DESI1: variants seen among roughly 807,000 people sequenced by gnomAD.
DESI1 encodes the protein PPPDE peptidase domain containing 2.
A neutral mutation model predicts 22.4 loss-of-function variants in DESI1; 17 were observed. The ratio of observed to expected loss-of-function variants is 0.76; its 90% CI spans 0.52 to 1.14. The LOEUF (loss-of-function observed/expected upper bound fraction) is 1.14. Among genes scored for constraint, DESI1 ranks in the 50% most tolerant of loss-of-function variants. The pLI, the probability that DESI1 is intolerant of heterozygous loss-of-function variation, is 0.00. For synonymous variants in DESI1, 92 were observed against 84.2 expected, an observed-to-expected ratio of 1.09 and a Z score of -0.51; for missense variants, 177 against 208.9, an observed-to-expected ratio of 0.85 and a Z score of 0.94.
At chr22:41,601,390 C>T (rs1232082867) in intron 5 of DESI1, among the ~76,000 whole-genome samples, 200 bp from the exon 6 acceptor site, 1 of 152,236 alleles carries the variant, frequency 6.6e-6, no homozygotes, top group Non-Finnish European at 1.5e-5. Context: ...GAGGGCATCT[C>T]CGAAATAGCC....
chr22:41,605,237 G>T (rs560364564), intron 3 of DESI1, among the ~76,000 whole-genome samples: 1 of 152,238 alleles, frequency 6.6e-6, no homozygotes, highest in South Asian at 2.1e-4. Context: ...GTTCTTTTTG[G>T]ATCTGTGAGC....
intron 1 of DESI1, among the ~76,000 whole-genome samples, chr22:41,617,577 C>T (rs1238634723): frequency 6.6e-6 from 1 of 152,212 alleles, no homozygotes; most frequent in Non-Finnish European, 1.5e-5. Flanking sequence ...ATCAGTAAGA[C>T]CATGCCTATT....
chr22:41,611,462 G>A (rs2067516492), intron 1 of DESI1, among the ~76,000 whole-genome samples: 1 of 152,068 alleles, frequency 6.6e-6, no homozygotes, highest in Non-Finnish European at 1.5e-5. Context: ...GAGCTGATGT[G>A]CCCTTCTGAA....
chr22:41,606,873 T>A (rs866194696), intron 3 of DESI1, among the ~76,000 whole-genome samples: 1 of 151,180 alleles, frequency 6.6e-6, no homozygotes, highest in African/African-American at 2.4e-5. Context: ...CCTTATTGGC[T>A]GTTTAAGTTT....
At chr22:41,605,297 G>A (rs867962397) in intron 3 of DESI1, among the ~76,000 whole-genome samples, 1 of 152,122 alleles carries the variant, frequency 6.6e-6, no homozygotes, top group African/African-American at 2.4e-5. Context: ...AATGGCTCCC[G>A]AAAGGCCTAC....
chr22:41,603,126 T>C (rs910795923), intron 5 of DESI1, 133 bp downstream of exon 5: 96 of 1,320,010 alleles, frequency 7.3e-5, no homozygotes, highest in Non-Finnish European at 9.4e-5. Flanking sequence ...GGCAGCCTTC[T>C]GTGTTAGAAT....
chr22:41,615,748 C>T (rs550745506), intron 1 of DESI1, among the ~76,000 whole-genome samples: 59 of 152,342 alleles, frequency 3.9e-4, no homozygotes, highest in African/African-American at 1.3e-3. Flanking sequence ...TCCTTGCCCT[C>T]CAGGAGCTCC....
intron 1 of DESI1, among the ~76,000 whole-genome samples, chr22:41,614,635 A>G (rs2067538943): frequency 7.9e-6 from 1 of 126,488 alleles, no homozygotes; most frequent in Non-Finnish European, 1.6e-5. Context: ...CCCAGGCTGA[A>G]GTGCAGTGGC....
chr22:41,602,275 C>T (rs1210754156), intron 5 of DESI1: 8 of 985,226 alleles, frequency 8.1e-6, no homozygotes, highest in Non-Finnish European at 9.6e-6. Context: ...CCAGGAACTC[C>T]ACCCATAAAA....
rs375150048 is a variant in DESI1, at chr22:41,601,123, C to T, written c.481G>A (p.Val161Met). 4.1e-5 allele frequency: 66 copies of T among 1,613,316 alleles called. No homozygotes were observed. The highest frequency in any genetic ancestry group is 5.0e-5 in the Non-Finnish European group (59 of 1,179,834). ...TAGCTCTGGCCGTTGGGTCTGCCCA[C>T]GGAGCTCCCTCCTGGAGGCTGGATC... is the stretch of plus-strand genomic sequence containing the variant. Reference protein sequence around the residue: ...IQIQPPGGSSVGRPNGQS With the variant: ...IQIQPPGGSSMGRPNGQS The change falls in exon 6 of 6, where the codon GTG becomes ATG. Residue 161 changes from valine to methionine, a missense_variant. Physicochemically the swap from Val to Met is conservative, Grantham distance 21. Transcript: ENST00000263256.
intron 1 of DESI1, among the ~76,000 whole-genome samples, chr22:41,613,742 C>T (rs2067532302): frequency 1.3e-5 from 2 of 152,240 alleles, no homozygotes; most frequent in Non-Finnish European, 1.5e-5. Context: ...GATGCGCATG[C>T]TCACTGACTC....
chr22:41,607,539 C>G (rs6002418), intron 2 of DESI1, among the ~76,000 whole-genome samples: 11,723 of 152,176 alleles, frequency 0.077, 1,485 homozygotes, highest in African/African-American at 0.27. Flanking sequence ...AGGCTGGATA[C>G]TTCTTTGTTG....
chr22:41,614,170 G>A (rs2067535516), intron 1 of DESI1, among the ~76,000 whole-genome samples: 1 of 151,890 alleles, frequency 6.6e-6, no homozygotes, highest in Non-Finnish European at 1.5e-5. Context: ...CCGAGTAGCT[G>A]GGATTACAGG....
chr22:41,602,037 G>T, intron 5 of DESI1: 1 of 238,764 alleles, frequency 4.2e-6, no homozygotes, highest in Non-Finnish European at 6.8e-6. Context: ...AGGGCTCCTA[G>T]GTTGCTCTCA....
chr22:41,620,607 C>T lies in DESI1; in HGVS notation c.88+145G>A, dbSNP rs36218280. 30 of 763,124 alleles carry T rather than the reference C, an allele frequency of 3.9e-5. No homozygotes were observed. The African/African-American group carries it at 5.0e-4, about 13-fold the overall frequency. 47.3% of individuals were successfully genotyped at this position (763,124 alleles called of 1,614,324 possible). A position where few individuals can be genotyped will look rare whatever the true frequency, so the allele number is the denominator to read the frequency against. On this transcript the variant is annotated intron_variant, in intron 1 of 5. Transcript: ENST00000263256. Reference sequence around the variant, plus strand: ...GGCTCAGATGGCCCAAACTTCAGACCACTCTCTTCTCCACTCGGCTTTTCT... The same window carrying T: ...GGCTCAGATGGCCCAAACTTCAGACTACTCTCTTCTCCACTCGGCTTTTCT...
At chr22:41,610,757 C>CTGTA (rs2067512179) in intron 1 of DESI1, among the ~76,000 whole-genome samples, 3 of 151,890 alleles carry the variant, frequency 2.0e-5, no homozygotes, top group African/African-American at 7.3e-5. Flanking sequence ...CCTGTAATCC[C>CTGTA]AGCTACTTGG....
At position 41,620,905 on chromosome 22, in the gene DESI1, T is replaced by A; in HGVS notation, c.-66A>T. On this transcript the variant is annotated 5_prime_UTR_variant, in exon 1 of 6. Coordinates refer to ENST00000263256, the MANE Select transcript of DESI1 (RefSeq NM_015704.3). ...CCCGGCAGCGGCTTGGACCTTCCCG[T>A]ACCCGACGGGAGTGCGAAGCGGAGG... The A allele has an allele frequency of 3.9e-6, 6 of 1,519,192 alleles. No individual in the cohort carries two copies. Among genetic ancestry groups the A allele is most frequent in the Non-Finnish European group, 4.5e-6 (5 of 1,119,240 alleles). The allele number at this position is 1,519,192 out of a possible 1,614,324, so 94.1% of individuals were successfully genotyped here. A position where few individuals can be genotyped will look rare whatever the true frequency, so the allele number is the denominator to read the frequency against.
At chr22:41,608,777 T>C (rs2067497725) in intron 1 of DESI1, among the ~76,000 whole-genome samples, 1 of 151,912 alleles carries the variant, frequency 6.6e-6, no homozygotes, top group Admixed American at 6.6e-5. Context: ...AAGCAGACCA[T>C]CACAAGAGTC....
At chr22:41,604,932 A>AG (rs1255743473) in intron 3 of DESI1, among the ~76,000 whole-genome samples, 1 of 150,918 alleles carries the variant, frequency 6.6e-6, no homozygotes, top group East Asian at 2.0e-4. Flanking sequence ...TCTAGAGGGG[A>AG]GGGGGGGCCC....
Sources: allele counts gnomAD v4.1 joint callset (sites outside exome capture counted in the v4.1 genomes callset), GRCh38; gene constraint gnomAD v4.1.1; transcripts MANE v1.5; gene names NCBI Gene and HGNC (gene_info 2026-07-23, HGNC 2026-07-21).